Variants in TCF4 observed in about 807,000 individuals in gnomAD.
The protein encoded by TCF4 is SL3-3 enhancer factor 2.
TCF4 carries 3 observed loss-of-function variants against 82.1 expected under a neutral mutation model. The ratio of observed to expected loss-of-function variants is 0.04; its 90% CI spans 0.02 to 0.09. The LOEUF (loss-of-function observed/expected upper bound fraction) is 0.09. Ranked by LOEUF, TCF4 falls within the 10% of genes least tolerant of loss-of-function variation. The pLI, the probability that TCF4 is intolerant of heterozygous loss-of-function variation, is 1.00. For missense variants in TCF4, 518 were observed against 852.7 expected (o/e 0.61, Z 4.89); for synonymous variants, 276 against 309.6 (o/e 0.89, Z 1.14).
At chr18:55,387,035 G>C (rs2092666575) in intron 6 of TCF4, among the ~76,000 whole-genome samples, 1 of 152,238 alleles carries the variant, frequency 6.6e-6, no homozygotes, top group Non-Finnish European at 1.5e-5. Context: ...AGAGGAGGAA[G>C]TTATTATTAA....
At chr18:55,427,731 G>A (rs1470532435) in intron 5 of TCF4, among the ~76,000 whole-genome samples, 3 of 152,182 alleles carry the variant, frequency 2.0e-5, no homozygotes, top group South Asian at 2.1e-4. Flanking sequence ...AGAAAAGGGA[G>A]TATCTTATGT....
chr18:55,397,317 A>G (rs1302838104), intron 6 of TCF4, among the ~76,000 whole-genome samples: 3 of 152,240 alleles, frequency 2.0e-5, no homozygotes, highest in African/African-American at 7.2e-5. Context: ...ATTTGTAGGC[A>G]AAACAAGTGA....
At chr18:55,406,314 C>A (rs1285174708) in intron 5 of TCF4, among the ~76,000 whole-genome samples, 2 of 152,104 alleles carry the variant, frequency 1.3e-5, no homozygotes, top group African/African-American at 2.4e-5. Context: ...GCCCTCAGAG[C>A]CAGAACCCCT....
intron 3 of TCF4, among the ~76,000 whole-genome samples, chr18:55,490,686 C>A (rs2096566881): frequency 6.6e-6 from 1 of 151,966 alleles, no homozygotes; most frequent in African/African-American, 2.4e-5. Context: ...GGCACGTTAG[C>A]AACCTCATTA....
chr18:55,418,027 G>T (rs2094583233), intron 5 of TCF4, among the ~76,000 whole-genome samples: 1 of 151,376 alleles, frequency 6.6e-6, no homozygotes, highest in Non-Finnish European at 1.5e-5. Context: ...GTGTGTGTGT[G>T]TGTGTGTGTG....
chr18:55,302,781 GGA>G (rs1490139730), intron 8 of TCF4, among the ~76,000 whole-genome samples: 1 of 152,180 alleles, frequency 6.6e-6, no homozygotes, highest in Non-Finnish European at 1.5e-5. Context: ...AGCTGCATCT[GGA>G]GCCCGTTTAG....
intron 3 of TCF4, among the ~76,000 whole-genome samples, chr18:55,487,516 AAAAAG>A (rs1197909561): frequency 6.6e-6 from 1 of 152,224 alleles, no homozygotes; most frequent in Admixed American, 6.5e-5. Flanking sequence ...TCTTTGTCAC[AAAAAG>A]AAAACAGAAC....
chr18:55,415,038 T>G (rs961471515), intron 5 of TCF4, among the ~76,000 whole-genome samples: 2 of 152,198 alleles, frequency 1.3e-5, no homozygotes, highest in Non-Finnish European at 2.9e-5. Context: ...ATAATCATAT[T>G]TCAAAATTTC....
intron 3 of TCF4, chr18:55,546,742 T>C (rs1342083975): frequency 6.6e-6 from 1 of 152,234 alleles, no homozygotes; most frequent in Admixed American, 6.5e-5. Flanking sequence ...TAATAAATTT[T>C]CAGCTTTGAA....
chr18:55,254,281 G>A (rs1474708824), intron 15 of TCF4, among the ~76,000 whole-genome samples: 2 of 152,062 alleles, frequency 1.3e-5, no homozygotes, highest in African/African-American at 4.8e-5. Context: ...TTTTTGCAGG[G>A]GGCAAAAATA....
At chr18:55,395,937 C>T (rs2093462678) in intron 6 of TCF4, among the ~76,000 whole-genome samples, 1 of 151,964 alleles carries the variant, frequency 6.6e-6, no homozygotes, top group Non-Finnish European at 1.5e-5. Flanking sequence ...TTTTTTTCCC[C>T]CCCTTAAGGC....
At chr18:55,304,812 A>T (rs1420285148) in intron 8 of TCF4, among the ~76,000 whole-genome samples, 1 of 152,210 alleles carries the variant, frequency 6.6e-6, no homozygotes, top group South Asian at 2.1e-4. Context: ...AGAAAATGTG[A>T]TTTAAGAAGA....
chr18:55,350,772 T>G, intron 7 of TCF4, 102 bp downstream of exon 7: 2 of 1,518,634 alleles, frequency 1.3e-6, no homozygotes, highest in Non-Finnish European at 1.8e-6. Context: ...ATGGTTTTCT[T>G]GGGGTGGGAG....
intron 3 of TCF4, among the ~76,000 whole-genome samples, chr18:55,516,304 A>AATTG (rs1244782997): frequency 6.6e-6 from 1 of 152,128 alleles, no homozygotes; most frequent in African/African-American, 2.4e-5. Context: ...AAAGCACAGA[A>AATTG]ATTGGTTCAT....
intron 8 of TCF4, among the ~76,000 whole-genome samples, chr18:55,336,131 C>G (rs2078580273): frequency 6.6e-6 from 1 of 151,998 alleles, no homozygotes; most frequent in Non-Finnish European, 1.5e-5. Flanking sequence ...ATTCTCTTGT[C>G]AGTTTCTACT....
chr18:55,315,601 A>T (rs1164071741), intron 8 of TCF4, among the ~76,000 whole-genome samples: 1 of 152,144 alleles, frequency 6.6e-6, no homozygotes, highest in Non-Finnish European at 1.5e-5. Flanking sequence ...CAAAACCAGT[A>T]AATTTCACCT....
At chr18:55,536,200 T>C (rs181805993) in intron 3 of TCF4, among the ~76,000 whole-genome samples, 361 of 152,364 alleles carry the variant, frequency 2.4e-3, no homozygotes, top group African/African-American at 8.2e-3. Flanking sequence ...TTTCACATCA[T>C]GGTCTTCAAG....
chr18:55,503,062 CTT>C (rs2096717303), intron 3 of TCF4, among the ~76,000 whole-genome samples: 1 of 152,124 alleles, frequency 6.6e-6, no homozygotes, highest in Non-Finnish European at 1.5e-5. Flanking sequence ...CTAAATGTCT[CTT>C]TTTGGAACTG....
intron 8 of TCF4, 107 bp from the exon 9 acceptor site, chr18:55,279,763 C>A: frequency 1.3e-6 from 2 of 1,534,876 alleles, no homozygotes; most frequent in East Asian, 2.3e-5. Context: ...TCTACCCTTT[C>A]CAGTTTAAAT....
Sources: gnomAD v4.1 joint callset for allele counts (sites outside exome capture counted in the v4.1 genomes callset) on GRCh38, gnomAD v4.1.1 for gene constraint, MANE v1.5 for transcripts, NCBI Gene and HGNC (gene_info 2026-07-23, HGNC 2026-07-21) for gene names.